Variants in ALG13 observed in about 807,000 individuals in gnomAD.
ALG13 encodes UDP-N-acetylglucosamine transferase subunit ALG13.
ALG13 carries 11 observed loss-of-function variants against 87.8 expected under a neutral mutation model. The observed-to-expected ratio is 0.13, with a 90% CI of 0.08 to 0.21. The LOEUF (loss-of-function observed/expected upper bound fraction) is 0.21, where lower values mean the gene tolerates loss of function less well. ALG13 is among the 10% of genes least tolerant of loss of function. ALG13 has a pLI of 1.00. For missense variants in ALG13, 756 were observed against 866.1 expected, an observed-to-expected ratio of 0.87 and a Z score of 1.60; for synonymous variants, 320 against 306.3, an observed-to-expected ratio of 1.04 and a Z score of -0.47.
At position 111,685,100 on chromosome X, in the gene ALG13, G is replaced by T; in HGVS notation, c.380G>T (p.Cys127Phe). The change falls in exon 3 of 27, where the codon TGC becomes TTC. Residue 127 changes from cysteine to phenylalanine, a missense_variant. By Grantham distance (205) the Cys-to-Phe change is radical. Around this residue, in one of 9 missense-constraint regions of ALG13, gnomAD observed 153 missense variants for 168.7 expected, o/e 0.91. Transcript: ENST00000394780. ...HKEGHLFYCT[C>F]RVLTCPGQAK... ...GAGGGTCATCTCTTCTATTGTACCT[G>T]CAGGTATGCTAGAGACTGATTATTA... is the stretch of plus-strand genomic sequence containing the variant. 1.7e-6 allele frequency: 2 copies of T among 1,207,968 alleles called. No homozygotes were observed. Among genetic ancestry groups the T allele is most frequent in the Non-Finnish European group, 2.2e-6 (2 of 894,177 alleles).
chrX:111,735,417 A>G (rs1943141350), intron 22 of ALG13, among the ~76,000 whole-genome samples: 1 of 111,821 alleles, frequency 8.9e-6, no homozygotes, highest in Admixed American at 9.6e-5. Flanking sequence ...CTGTCTCATT[A>G]ACTGAAACTT....
chrX:111,711,633 T>C, intron 5 of ALG13, 42 bp from the exon 6 acceptor site: 1 of 1,118,336 alleles, frequency 8.9e-7, no homozygotes, highest in South Asian at 1.9e-5. Context: ...ATTTCAGTAA[T>C]GCTGTGTATT....
At chrX:111,759,185 A>G (rs1328628592) in intron 26 of ALG13, among the ~76,000 whole-genome samples, 1 of 103,149 alleles carries the variant, frequency 9.7e-6, no homozygotes, top group Non-Finnish European at 2.0e-5. Flanking sequence ...TACTCATTAT[A>G]GCAAGGTTAA....
Position 111,720,081 on chromosome X carries a change from A to T in ALG13, c.1251-14A>T, listed in dbSNP as rs753459083. 1 of 1,150,759 alleles carries T rather than the reference A, an allele frequency of 8.7e-7. No individual in the cohort carries two copies. The highest frequency in any genetic ancestry group is 1.2e-6 in the Non-Finnish European group (1 of 857,429). The allele number at this position is 1,150,759 out of a possible 1,213,427, so 94.8% of individuals were successfully genotyped here. A position where few individuals can be genotyped will look rare whatever the true frequency, so the allele number is the denominator to read the frequency against. On this transcript the variant is annotated splice_polypyrimidine_tract_variant and intron_variant, in intron 10 of 26. Coordinates refer to ENST00000394780, the MANE Select transcript of ALG13 (RefSeq NM_001099922.3). ...ATTTATAAAAAGCTCTTTGCTCTAAATCTTTTGAATTAGGATGGAAGAGTG... is the reference window on the plus strand; with the variant it reads ...ATTTATAAAAAGCTCTTTGCTCTAATTCTTTTGAATTAGGATGGAAGAGTG...
At chrX:111,682,687 A>G (rs191297954) in intron 2 of ALG13, among the ~76,000 whole-genome samples, 71 of 112,070 alleles carry the variant, frequency 6.3e-4, no homozygotes, top group African/African-American at 2.2e-3. Context: ...GGAGCAAAAT[A>G]ATTTACCCGG....
intron 24 of ALG13, among the ~76,000 whole-genome samples, chrX:111,750,787 C>CTGGCATTACAGG (rs1219452750): frequency 9.1e-6 from 1 of 110,043 alleles, no homozygotes; most frequent in Non-Finnish European, 1.9e-5. Context: ...CCTGCCTCAG[C>CTGGCATTACAGG]CTCCCAAGTA....
chrX:111,712,658 A>G (rs1939973105), intron 7 of ALG13, 128 bp downstream of exon 7: 1 of 360,971 alleles, frequency 2.8e-6, no homozygotes, highest in African/African-American at 2.6e-5. Context: ...AAGAAAGCTA[A>G]GAAAAAGTGT....
intron 3 of ALG13, chrX:111,690,018 A>T (rs898746161): frequency 1.3e-6 from 1 of 749,371 alleles, no homozygotes; most frequent in African/African-American, 2.3e-5. Context: ...AGTAGATTGA[A>T]TAAATTAAGA....
At chrX:111,716,065 C>T (rs183948220) in intron 8 of ALG13, among the ~76,000 whole-genome samples, 9 of 112,063 alleles carry the variant, frequency 8.0e-5, no homozygotes, top group Admixed American at 5.7e-4. Context: ...TATTGGTTCT[C>T]ATGCACTTCA....
chrX:111,747,873 C>CT (rs775621984), intron 24 of ALG13, among the ~76,000 whole-genome samples: 92 of 112,349 alleles, frequency 8.2e-4, no homozygotes, highest in African/African-American at 2.9e-3. Flanking sequence ...AAGAAACTGT[C>CT]AAACTGTCTT....
In ALG13 at chrX:111,694,340, C is replaced by T. The variant is rs189661377; in HGVS notation, c.383+9237C>T. Reference sequence around the variant, plus strand: ...GATTACAGGCATGAGCCACCACTCCCGGCCAGTAATTCCCAGTTTTTATAA... The same window carrying T: ...GATTACAGGCATGAGCCACCACTCCTGGCCAGTAATTCCCAGTTTTTATAA... On this transcript the variant is annotated intron_variant, in intron 3 of 26. Transcript: ENST00000394780. Among the ~76,000 whole-genome samples, 49 of 112,024 alleles carry T rather than the reference C, an allele frequency of 4.4e-4. 1 individual carries two copies. Among genetic ancestry groups the T allele is most frequent in the South Asian group, 1.8e-3 (5 of 2,724 alleles).
intron 3 of ALG13, among the ~76,000 whole-genome samples, chrX:111,696,318 G>A (rs984718252): frequency 9.0e-6 from 1 of 111,635 alleles, no homozygotes; most frequent in Non-Finnish European, 1.9e-5. Flanking sequence ...GTTATCCACT[G>A]TTGAATCACA....
intron 4 of ALG13, 66 bp downstream of exon 4, chrX:111,708,459 G>C: frequency 8.9e-7 from 1 of 1,129,709 alleles, no homozygotes; most frequent in East Asian, 3.0e-5. Context: ...TGGTCCTGTA[G>C]TTTGCCAGAA....
Position 111,718,098 on chromosome X carries a change from C to T in ALG13, c.1088-14C>T. On this transcript the variant is annotated splice_polypyrimidine_tract_variant and intron_variant, in intron 9 of 26. Transcript: ENST00000394780. ...TTATTTTGACAATTGGAATTTTGACCATTTTTTCTTCAGCTGTATTGTACG... is the reference window on the plus strand; with the variant it reads ...TTATTTTGACAATTGGAATTTTGACTATTTTTTCTTCAGCTGTATTGTACG... 8.7e-7 allele frequency: 1 copy of T among 1,151,787 alleles called. No individual in the cohort carries two copies. The highest frequency in any genetic ancestry group is 2.4e-4 in the Middle Eastern group (1 of 4,176). 94.9% of individuals were successfully genotyped at this position (1,151,787 alleles called of 1,213,427 possible). A position where few individuals can be genotyped will look rare whatever the true frequency, so the allele number is the denominator to read the frequency against.
intron 22 of ALG13, among the ~76,000 whole-genome samples, chrX:111,735,860 A>G (rs1219600230): frequency 1.8e-5 from 2 of 110,358 alleles, no homozygotes; most frequent in Non-Finnish European, 3.8e-5. Flanking sequence ...ATCTGTTACC[A>G]TTTACTGAAT....
At chrX:111,683,829 C>T (rs1254263161) in intron 2 of ALG13, among the ~76,000 whole-genome samples, 1 of 111,978 alleles carries the variant, frequency 8.9e-6, no homozygotes, top group African/African-American at 3.2e-5. Context: ...GATAGCACCT[C>T]ACATGTAAAC....
At chrX:111,712,800 C>G (rs193134178) in intron 7 of ALG13, among the ~76,000 whole-genome samples, 2 of 112,003 alleles carry the variant, frequency 1.8e-5, no homozygotes, top group East Asian at 5.6e-4. Context: ...TACGCATTGT[C>G]TGTGGCTGCT....
intron 2 of ALG13, among the ~76,000 whole-genome samples, chrX:111,683,184 T>TAGTA (rs1279052104): frequency 9.0e-6 from 1 of 110,830 alleles, no homozygotes; most frequent in Non-Finnish European, 1.9e-5. Context: ...TAAGTACTGT[T>TAGTA]AGTATCTCCA....
At chrX:111,759,225 C>T (rs1046180962) in intron 26 of ALG13, among the ~76,000 whole-genome samples, 4 of 106,685 alleles carry the variant, frequency 3.7e-5, no homozygotes, top group Non-Finnish European at 7.7e-5. Context: ...GGAACTGACT[C>T]ATGGCAAAAG....
Sources: gnomAD v4.1 joint callset for allele counts (sites outside exome capture counted in the v4.1 genomes callset) on GRCh38, gnomAD v4.1.1 for gene constraint, gnomAD v4.1.1 regional missense constraint, MANE v1.5 for transcripts, NCBI Gene and HGNC (gene_info 2026-07-23, HGNC 2026-07-21) for gene names.